The following CDC25C variants were observed in gnomAD, a reference collection of about 807,000 sequenced individuals.
CDC25C encodes cell division cycle 25C.
A neutral mutation model predicts 52.5 loss-of-function variants in CDC25C; 48 were observed. The ratio of observed to expected loss-of-function variants is 0.91; its 90% CI spans 0.72 to 1.16. CDC25C has a LOEUF of 1.16. Ranked by LOEUF, CDC25C falls within the 50% of genes most tolerant of loss-of-function variation. CDC25C has a pLI of 0.00. For missense variants in CDC25C, 510 were observed against 566.1 expected (o/e 0.90, Z 1.01); for synonymous variants, 187 against 206.5 (o/e 0.91, Z 0.81).
rs1759805728 is a variant in CDC25C at position 138,325,823 on chromosome 5, T to A, written c.451A>T (p.Lys151Ter). The change falls in exon 6 of 14, where the codon AAA becomes TAA. Residue 151 changes from lysine to a stop codon, truncating the protein, a stop_gained. Transcript: ENST00000323760. LOFTEE classifies it high-confidence loss of function. Reference sequence around the variant, plus strand: ...TTCCATTAAACACTCACATTTTCTTTATTTGCAGATGAACTACACATTGCA... The same window carrying A: ...TTCCATTAAACACTCACATTTTCTTAATTTGCAGATGAACTACACATTGCA... ...RDAMCSSSAN[K>*]ENDNGNLVDS... The A allele has an allele frequency of 6.2e-7, 1 of 1,610,622 alleles. No individual in the cohort carries two copies. The highest frequency in any genetic ancestry group is 1.3e-5 in the African/African-American group (1 of 74,856).
intron 4 of CDC25C, 111 bp from the exon 5 acceptor site, chr5:138,326,165 C>G (rs770892282): frequency 1.0e-5 from 11 of 1,090,514 alleles, no homozygotes; most frequent in Non-Finnish European, 1.6e-5. Context: ...GAGCCCTATT[C>G]CTAGTTGATA....
intron 6 of CDC25C, among the ~76,000 whole-genome samples, chr5:138,323,177 T>G (rs1759575928): frequency 6.6e-6 from 1 of 152,216 alleles, no homozygotes; most frequent in Non-Finnish European, 1.5e-5. Context: ...GTGATCCACC[T>G]GCCTCAGCCT....
chr5:138,313,995 CTTT>C lies in CDC25C; in HGVS notation c.615+5221_615+5223del, dbSNP rs766176155. ...TCTTTCTTTCTTTCTTTCTTTCTTT[CTTT>C]TTTTTTTTTTTTTGAGATGGAGTCT... On this transcript the variant is annotated intron_variant, in intron 7 of 13. Transcript: ENST00000323760. Among the ~76,000 whole-genome samples, 788 of 112,660 alleles carry C rather than the reference CTTT, an allele frequency of 7.0e-3. 4 individuals carry two copies. The highest frequency in any genetic ancestry group is 0.011 in the Non-Finnish European group (603 of 55,336). The allele number at this position is 112,660 out of a possible 152,430, so 73.9% of individuals were successfully genotyped here. A position where few individuals can be genotyped will look rare whatever the true frequency, so the allele number is the denominator to read the frequency against.
rs1417438752 is a variant in CDC25C at position 138,319,373 on chromosome 5, T to A, written c.461A>T (p.Asp154Val). ...MCSSSANKEN[D>V]NGNLVDSEMK... ...TTCACTGTCCACCAAGTTTCCATTG[T>A]CCTGTCAAGTATATTGACAACATTA... Residue 154 changes from aspartate (D) to valine (V), a missense_variant and splice_region_variant, in exon 7 of 14, where the codon GAC (aspartate) becomes GTC (valine). By Grantham distance (152) the Asp-to-Val change is radical. Transcript: ENST00000323760. 6.2e-7 allele frequency: 1 copy of A among 1,609,732 alleles called. No individual in the cohort carries two copies. The highest frequency in any genetic ancestry group is 8.5e-7 in the Non-Finnish European group (1 of 1,177,700).
intron 7 of CDC25C, among the ~76,000 whole-genome samples, chr5:138,310,197 A>AATCT (rs1758336269): frequency 6.6e-6 from 1 of 152,172 alleles, no homozygotes; most frequent in African/African-American, 2.4e-5. Context: ...CACCATTGGC[A>AATCT]ATCTTCAACC....
chr5:138,285,389 A>G lies in CDC25C; in HGVS notation c.*303T>C, dbSNP rs1460836952. On this transcript the variant is annotated 3_prime_UTR_variant, in exon 14 of 14. Transcript: ENST00000323760. The stretch of plus-strand genomic sequence containing the variant: ...CATAGCCCGAAGCCCAGAGAGAAAG[A>G]GTTGGCTGGCTTGTGAGAAGACATG... 2 of 305,988 alleles carry G rather than the reference A, an allele frequency of 6.5e-6. No individual in the cohort carries two copies. Among genetic ancestry groups the G allele is most frequent in the Non-Finnish European group, 1.2e-5 (2 of 166,008 alleles). 19.0% of individuals were successfully genotyped at this position (305,988 alleles called of 1,614,324 possible).
intron 10 of CDC25C, among the ~76,000 whole-genome samples, chr5:138,287,782 A>G (rs1000379215): frequency 5.9e-5 from 9 of 152,248 alleles, no homozygotes; most frequent in Admixed American, 2.0e-4. Flanking sequence ...TACATATACA[A>G]ATAAATGTAA....
chr5:138,291,782 T>TTATA (rs11567992), intron 8 of CDC25C, among the ~76,000 whole-genome samples, 188 bp downstream of exon 8: 49 of 148,022 alleles, frequency 3.3e-4, no homozygotes, highest in African/African-American at 1.2e-3. Flanking sequence ...TATAAATATT[T>TTATA]TATATATATA....
chr5:138,291,974 C>T lies in CDC25C; in HGVS notation c.758G>A (p.Arg253Lys). The T allele has an allele frequency of 6.2e-7, 1 of 1,605,686 alleles. No individual in the cohort carries two copies. The highest frequency in any genetic ancestry group is 8.5e-7 in the Non-Finnish European group (1 of 1,175,778). Residue 253 changes from arginine (R) to lysine (K), a missense_variant, in exon 8 of 14, where the codon AGG (arginine) becomes AAG (lysine). Physicochemically the swap from Arg to Lys is conservative, Grantham distance 26 (BLOSUM62 2). Coordinates refer to ENST00000323760, the MANE Select transcript of CDC25C (RefSeq NM_001790.5). ...KKYFSGQGKL[R>K]KGLCLKKTVS... is the part of the protein sequence containing the mutation. ...TTCATCTTAAAAAGTTCTTACCTTC[C>T]TGAGCTTTCCTTGGCCAGAAAAATA... is the stretch of plus-strand genomic sequence containing the variant.
At chr5:138,291,084 T>C (rs1042446493) in intron 8 of CDC25C, among the ~76,000 whole-genome samples, 1 of 151,994 alleles carries the variant, frequency 6.6e-6, no homozygotes, top group Non-Finnish European at 1.5e-5. Flanking sequence ...AATAAATAAG[T>C]TGATTTTATA....
Position 138,319,323 on chromosome 5 carries a change from T to A in CDC25C, c.511A>T (p.Thr171Ser), listed in dbSNP as rs765415643. ...TTTTTATCCAATTTTGGAACAGTAG[T>A]AATGGGACTGCCCAAATATTTCATT... ...SEMKYLGSPITTVPKLDKNPN... is the reference protein window; with the variant it reads ...SEMKYLGSPISTVPKLDKNPN... Residue 171 changes from threonine to serine, a missense_variant, in exon 7 of 14, where the codon ACT becomes TCT. Physicochemically the swap from Thr to Ser is moderately conservative, Grantham distance 58 (BLOSUM62 1). Transcript: ENST00000323760. 6.2e-7 allele frequency: 1 copy of A among 1,613,396 alleles called. No homozygotes were observed.
intron 7 of CDC25C, among the ~76,000 whole-genome samples, chr5:138,312,361 C>T (rs925917462): frequency 6.6e-6 from 1 of 152,032 alleles, no homozygotes; most frequent in African/African-American, 2.4e-5. Context: ...CTGAGTGAGA[C>T]CTGTCTCCAA....
intron 1 of CDC25C, chr5:138,337,855 G>T: frequency 1.4e-6 from 1 of 740,416 alleles, no homozygotes; most frequent in Non-Finnish European, 2.0e-6. Context: ...CAGAGCAGGT[G>T]AGGGGCACTG....
At chr5:138,288,694 AAAAAT>A (rs573149820) in intron 10 of CDC25C, among the ~76,000 whole-genome samples, 46 of 152,148 alleles carry the variant, frequency 3.0e-4, no homozygotes, top group Non-Finnish European at 5.0e-4. Flanking sequence ...CTCCATGTCT[AAAAAT>A]AAAATAAAAT....
At chr5:138,332,099 A>C (rs910901786), upstream of CDC25C, 2 of 161,436 alleles carry the variant, frequency 1.2e-5, no homozygotes, top group Middle Eastern at 2.9e-3. Context: ...ACCAATCTCC[A>C]CACCCTTTCT....
intron 7 of CDC25C, among the ~76,000 whole-genome samples, chr5:138,305,668 T>G (rs1757953544): frequency 6.6e-6 from 1 of 152,182 alleles, no homozygotes; most frequent in Admixed American, 6.5e-5. Context: ...CCCAAAATGT[T>G]GGGATTACAA....
At chr5:138,310,670 A>T (rs1279032118) in intron 7 of CDC25C, among the ~76,000 whole-genome samples, 1 of 152,234 alleles carries the variant, frequency 6.6e-6, no homozygotes, top group African/African-American at 2.4e-5. Context: ...ACACAAGGAG[A>T]TCATATGACT....
At chr5:138,337,857 G>A in intron 1 of CDC25C, 1 of 761,266 alleles carries the variant, frequency 1.3e-6, no homozygotes, top group South Asian at 1.5e-5. Flanking sequence ...GAGCAGGTGA[G>A]GGGCACTGTG....
At chr5:138,328,724 C>T (rs1760092208) in intron 3 of CDC25C, 195 bp from the exon 4 acceptor site, 2 of 517,648 alleles carry the variant, frequency 3.9e-6, no homozygotes, top group East Asian at 3.1e-5. Context: ...TTATATGTGT[C>T]ACTAAAAGAA....
Sources: allele counts gnomAD v4.1 joint callset (sites outside exome capture counted in the v4.1 genomes callset), GRCh38; gene constraint gnomAD v4.1.1; transcripts MANE v1.5; gene names NCBI Gene and HGNC (gene_info 2026-07-23, HGNC 2026-07-21).